The following ANKRD31 variants were observed in gnomAD, a reference collection of about 807,000 sequenced individuals.
ANKRD31 encodes the protein ankyrin repeat domain-containing protein 31.
In ANKRD31, 147 loss-of-function variants were observed where a neutral mutation model predicts 186.0. The ratio of observed to expected loss-of-function variants is 0.79; its 90% CI spans 0.69 to 0.91. The LOEUF is 0.91. Among genes scored for constraint, ANKRD31 ranks in the 40% least tolerant of loss-of-function variants. The pLI is 0.00. For missense variants in ANKRD31, 1,986 were observed against 2,148.8 expected, an observed-to-expected ratio of 0.92 and a Z score of 1.50; for synonymous variants, 673 against 736.4, an observed-to-expected ratio of 0.91 and a Z score of 1.39.
Position 75,118,144 on chromosome 5 carries a change from T to C in ANKRD31, c.4030A>G (p.Ile1344Val), listed in dbSNP as rs976788650. The C allele has an allele frequency of 1.4e-5, 20 of 1,474,246 alleles. No homozygotes were observed. Among genetic ancestry groups the C allele is most frequent in the Non-Finnish European group, 1.8e-5 (20 of 1,124,084 alleles). 91.3% of individuals were successfully genotyped at this position (1,474,246 alleles called of 1,614,324 possible). ...ETVNRDESDA[I>V]VNEKIPAVRS... The stretch of plus-strand genomic sequence containing the variant: ...ATATTGATATACATACCATTGACTA[T>C]AGCATCACTCTCATCTCTATTAACA... The change falls in exon 18 of 26, where the codon ATA becomes GTA. Residue 1344 changes from isoleucine (I) to valine (V), a missense_variant. Coordinates refer to ENST00000506364, the MANE Select transcript of ANKRD31 (RefSeq NM_001372053.1).
intron 25 of ANKRD31, among the ~76,000 whole-genome samples, chr5:75,069,349 T>C (rs1744025469): frequency 6.6e-6 from 1 of 152,006 alleles, no homozygotes; most frequent in Admixed American, 6.6e-5. Context: ...ATTCCACAGA[T>C]AGCAACAATA....
At chr5:75,140,266 G>A (rs200291613) in intron 15 of ANKRD31, among the ~76,000 whole-genome samples, 1 of 136,296 alleles carries the variant, frequency 7.3e-6, no homozygotes, top group Non-Finnish European at 1.6e-5. Context: ...AAGGAAGGAA[G>A]GAAAGAGAGA....
chr5:75,150,730 C>T (rs1751782619), intron 12 of ANKRD31, among the ~76,000 whole-genome samples: 2 of 151,644 alleles, frequency 1.3e-5, no homozygotes. Flanking sequence ...GGAAGCATTC[C>T]CAGAAGAGCA....
chr5:75,221,260 A>C (rs1580585804), intron 3 of ANKRD31, among the ~76,000 whole-genome samples: 2 of 152,212 alleles, frequency 1.3e-5, no homozygotes, highest in East Asian at 3.8e-4. Context: ...TAATCTGTAC[A>C]CCAAAAAAAT....
chr5:75,068,521 A>C lies in ANKRD31; in HGVS notation c.5791T>G (p.Ter1931GluextTer31). 1.3e-6 allele frequency: 2 copies of C among 1,488,114 alleles called. No individual in the cohort carries two copies. Among genetic ancestry groups the C allele is most frequent in the Non-Finnish European group, 1.8e-6 (2 of 1,126,646 alleles). The allele number at this position is 1,488,114 out of a possible 1,614,324, so 92.2% of individuals were successfully genotyped here. Reference sequence around the variant, plus strand: ...TAAAATATTAAGAAACCAAGGTTTTAGGGTGTTAGTTCCTCACATTCCACA... The same window carrying C: ...TAAAATATTAAGAAACCAAGGTTTTCGGGTGTTAGTTCCTCACATTCCACA... ...FCVECEELTP* is the reference protein window; with the variant it reads ...FCVECEELTPE Residue 1931 changes from the stop codon to glutamate, a stop_lost, in exon 26 of 26, where the codon TAA (stop) becomes GAA (glutamate). Transcript: ENST00000506364.
chr5:75,157,328 T>A (rs1020758738), intron 11 of ANKRD31, among the ~76,000 whole-genome samples: 2 of 152,228 alleles, frequency 1.3e-5, no homozygotes, highest in Admixed American at 1.3e-4. Context: ...TTATAAATGC[T>A]AAACTTAGAG....
At chr5:75,148,994 ATAAT>A (rs1419165394) in intron 12 of ANKRD31, among the ~76,000 whole-genome samples, 2 of 151,906 alleles carry the variant, frequency 1.3e-5, no homozygotes, top group Non-Finnish European at 2.9e-5. Flanking sequence ...AAATTATTTT[ATAAT>A]TAATTAGATT....
rs1191955736 is a variant in ANKRD31 at position 75,147,056 on chromosome 5, G to T, written c.2355C>A (p.Ser785Arg). 6.5e-7 allele frequency: 1 copy of T among 1,536,344 alleles called. No individual in the cohort carries two copies. Residue 785 changes from serine (S) to arginine (R), a missense_variant, in exon 14 of 26, where the codon AGC becomes AGA. Ser to Arg is a moderately radical substitution (Grantham distance 110). Transcript: ENST00000506364. Reference sequence around the variant, plus strand: ...CATTTCTCAGGCTTGACAGAGTTAAGCTGGAAGGTTCACACAATTCTTCTG... The same window carrying T: ...CATTTCTCAGGCTTGACAGAGTTAATCTGGAAGGTTCACACAATTCTTCTG... Reference protein sequence around the residue: ...DLPEELCEPSSLTLSSLRNGL... With the variant: ...DLPEELCEPSRLTLSSLRNGL...
chr5:75,132,477 A>G (rs6874412), intron 17 of ANKRD31, among the ~76,000 whole-genome samples: 3 of 152,188 alleles, frequency 2.0e-5, no homozygotes, highest in Admixed American at 2.0e-4. Flanking sequence ...AAAAAGAGTA[A>G]AAAGAAATGA....
chr5:75,203,674 AAAAGAAAAGAAAAG>A (rs1561533781), intron 5 of ANKRD31, among the ~76,000 whole-genome samples: 3 of 137,344 alleles, frequency 2.2e-5, no homozygotes, highest in African/African-American at 8.7e-5. Context: ...AAAAAAAAAA[AAAAGAAAAGAAAAG>A]AAAAGAAAAG....
At chr5:75,180,004 C>G (rs1310092861) in intron 10 of ANKRD31, among the ~76,000 whole-genome samples, 3 of 152,184 alleles carry the variant, frequency 2.0e-5, no homozygotes, top group Non-Finnish European at 2.9e-5. Context: ...AGCCCAAAAT[C>G]TCCTTAAGCT....
At position 75,146,953 on chromosome 5, in the gene ANKRD31, C is replaced by G. The variant is rs1239609520; in HGVS notation, c.2458G>C (p.Glu820Gln). 2 of 1,536,208 alleles carry G rather than the reference C, an allele frequency of 1.3e-6. No individual in the cohort carries two copies. The highest frequency in any genetic ancestry group is 1.4e-5 in the African/African-American group (1 of 72,982). The change falls in exon 14 of 26, where the codon GAA becomes CAA. Residue 820 changes from glutamate (E) to glutamine (Q), a missense_variant. Physicochemically the swap from Glu to Gln is conservative, Grantham distance 29. Transcript: ENST00000506364. ...IQNLDLSDSQ[E>Q]VQCLELESVD... ...GATTCTAATTCCAAGCATTGAACTTCTTGACTATCTGATAAATCCAGGTTC... is the reference window on the plus strand; with the variant it reads ...GATTCTAATTCCAAGCATTGAACTTGTTGACTATCTGATAAATCCAGGTTC...
chr5:75,084,849 T>A (rs1279084888), intron 23 of ANKRD31, among the ~76,000 whole-genome samples: 1 of 152,220 alleles, frequency 6.6e-6, no homozygotes, highest in African/African-American at 2.4e-5. Context: ...ACTGATTAAA[T>A]TAATAACATT....
At chr5:75,100,821 G>A (rs1053325045) in intron 22 of ANKRD31, among the ~76,000 whole-genome samples, 1 of 152,102 alleles carries the variant, frequency 6.6e-6, no homozygotes, top group African/African-American at 2.4e-5. Context: ...GTGTGTCTCT[G>A]CACATCAGAT....
chr5:75,153,981 C>T (rs1425516236), intron 12 of ANKRD31, among the ~76,000 whole-genome samples: 1 of 152,034 alleles, frequency 6.6e-6, no homozygotes, highest in African/African-American at 2.4e-5. Flanking sequence ...TTGCAATGTA[C>T]AACCTGCAGA....
chr5:75,087,266 C>T (rs1745564019), intron 23 of ANKRD31, among the ~76,000 whole-genome samples: 1 of 152,092 alleles, frequency 6.6e-6, no homozygotes, highest in Non-Finnish European at 1.5e-5. Context: ...AACCCCAGCA[C>T]TTTGGGAGGC....
chr5:75,070,364 C>T (rs960708243), intron 25 of ANKRD31, among the ~76,000 whole-genome samples: 9 of 152,134 alleles, frequency 5.9e-5, no homozygotes, highest in Non-Finnish European at 4.4e-5. Flanking sequence ...TACTATCCCC[C>T]ACTTTAGTTA....
intron 3 of ANKRD31, among the ~76,000 whole-genome samples, chr5:75,213,737 A>G (rs1386303431): frequency 6.6e-6 from 1 of 152,172 alleles, no homozygotes; most frequent in Non-Finnish European, 1.5e-5. Context: ...GTGAGAGGTA[A>G]GAGAGGTTAA....
intron 17 of ANKRD31, among the ~76,000 whole-genome samples, chr5:75,129,032 G>GCCA: frequency 1.3e-5 from 2 of 152,184 alleles, no homozygotes; most frequent in Admixed American, 1.3e-4. Flanking sequence ...CCCCAGTGTT[G>GCCA]GAGGTGGGGT....
Sources: allele counts gnomAD v4.1 joint callset (sites outside exome capture counted in the v4.1 genomes callset), GRCh38; gene constraint gnomAD v4.1.1; transcripts MANE v1.5; gene names NCBI Gene and HGNC (gene_info 2026-07-23, HGNC 2026-07-21).